The following RANBP2 variants were observed in gnomAD, a reference collection of about 807,000 sequenced individuals.
RANBP2 encodes the protein RAN binding protein 2.
Under a neutral mutation model 303.6 loss-of-function variants are expected in RANBP2, and 57 were observed. That is an observed-to-expected ratio of 0.19 (90% CI 0.15 to 0.23). The LOEUF (loss-of-function observed/expected upper bound fraction) is 0.23. Among genes scored for constraint, RANBP2 ranks in the 10% least tolerant of loss-of-function variants. RANBP2 has a pLI of 1.00. For synonymous variants in RANBP2, 1,167 were observed against 1,301.5 expected (o/e 0.90, Z 2.23); for missense variants, 3,138 against 3,780.8 (o/e 0.83, Z 4.46).
At chr2:109,285,830 C>T in the RANBP2 span, among the ~76,000 whole-genome samples, 6 of 152,354 alleles carry the variant, frequency 3.9e-5, no homozygotes, top group East Asian at 1.2e-3. Context: ...GCCTTGTTGG[C>T]TTCACTGCCT....
chr2:109,473,481 G>C, the RANBP2 span, among the ~76,000 whole-genome samples: 1 of 152,186 alleles, frequency 6.6e-6, no homozygotes, highest in Non-Finnish European at 1.5e-5. Context: ...TAAAATAGCA[G>C]ATATAGGTGA....
At chr2:109,147,935 G>C in the RANBP2 span, among the ~76,000 whole-genome samples, 1 of 152,194 alleles carries the variant, frequency 6.6e-6, no homozygotes, top group Non-Finnish European at 1.5e-5. Context: ...TTTAAATGAA[G>C]AGTTTTGGGG....
At chr2:109,635,029 C>T in the RANBP2 span, among the ~76,000 whole-genome samples, 1 of 151,774 alleles carries the variant, frequency 6.6e-6, no homozygotes. Flanking sequence ...TAATGATGCT[C>T]TAACATTTTC....
chr2:109,649,889 C>T, the RANBP2 span, among the ~76,000 whole-genome samples: 1 of 152,130 alleles, frequency 6.6e-6, no homozygotes, highest in Non-Finnish European at 1.5e-5. Context: ...GCTACTTCTG[C>T]AAAAATGAAT....
At position 108,766,066 on chromosome 2, in the gene RANBP2, A is replaced by C. The variant is rs1558923864; in HGVS notation, c.5527A>C (p.Ser1843Arg). The C allele has an allele frequency of 1.9e-6, 3 of 1,614,190 alleles. No individual in the cohort carries two copies. The highest frequency in any genetic ancestry group is 4.5e-5 in the East Asian group (2 of 44,882). ...SGSQVGTGFK[S>R]NFSEKASKFG... ...AAGTCAGGTGGGAACAGGATTTAAA[A>C]GTAATTTCTCAGAAAAAGCTTCTAA... is the stretch of plus-strand genomic sequence containing the variant. Residue 1843 changes from serine to arginine, a missense_variant, in exon 20 of 29, where the codon AGT (serine) becomes CGT (arginine). Ser to Arg is a moderately radical substitution (Grantham distance 110). Coordinates refer to ENST00000283195, the MANE Select transcript of RANBP2 (RefSeq NM_006267.5).
the RANBP2 span, among the ~76,000 whole-genome samples, chr2:109,044,042 A>G: frequency 6.6e-6 from 1 of 152,214 alleles, no homozygotes; most frequent in Non-Finnish European, 1.5e-5. Flanking sequence ...GATTAATAAA[A>G]GGCATAATCA....
At chr2:108,776,214 A>G (rs910662960) in intron 24 of RANBP2, among the ~76,000 whole-genome samples, 2 of 152,168 alleles carry the variant, frequency 1.3e-5, no homozygotes, top group South Asian at 2.1e-4. Flanking sequence ...GTGTTGTTAC[A>G]TGTAATTTCC....
At chr2:109,596,269 G>A in the RANBP2 span, among the ~76,000 whole-genome samples, 1 of 152,132 alleles carries the variant, frequency 6.6e-6, no homozygotes, top group African/African-American at 2.4e-5. Context: ...CATATCATGA[G>A]TTTTGGTGAA....
the RANBP2 span, among the ~76,000 whole-genome samples, chr2:109,067,714 C>T: frequency 6.6e-6 from 1 of 152,218 alleles, no homozygotes; most frequent in East Asian, 1.9e-4. Flanking sequence ...CCACCCTCTC[C>T]TGGCCGCGCA....
At chr2:109,522,755 C>T in the RANBP2 span, among the ~76,000 whole-genome samples, 1 of 152,190 alleles carries the variant, frequency 6.6e-6, no homozygotes, top group Non-Finnish European at 1.5e-5. Context: ...CCCAGTGACA[C>T]TAATATGCTC....
At chr2:109,519,360 A>G in the RANBP2 span, among the ~76,000 whole-genome samples, 2 of 152,204 alleles carry the variant, frequency 1.3e-5, no homozygotes, top group African/African-American at 2.4e-5. Flanking sequence ...AGCATTGGGG[A>G]TTACATTTCA....
chr2:109,620,610 G>A, the RANBP2 span, among the ~76,000 whole-genome samples: 1 of 152,154 alleles, frequency 6.6e-6, no homozygotes, highest in African/African-American at 2.4e-5. Flanking sequence ...GCTAAGGCAG[G>A]AGAATCACTT....
the RANBP2 span, among the ~76,000 whole-genome samples, chr2:109,767,137 A>C: frequency 7.0e-6 from 1 of 142,146 alleles, no homozygotes; most frequent in Non-Finnish European, 1.5e-5. Flanking sequence ...AAAAGTGTCA[A>C]TTGCTCTGAA....
chr2:109,018,299 G>A, the RANBP2 span, among the ~76,000 whole-genome samples: 1 of 152,188 alleles, frequency 6.6e-6, no homozygotes, highest in East Asian at 1.9e-4. Context: ...GAGGAAGCAG[G>A]AGCAAAGCTG....
At chr2:109,143,242 TAAA>T in the RANBP2 span, among the ~76,000 whole-genome samples, 145 of 152,246 alleles carry the variant, frequency 9.5e-4, 1 homozygote, top group South Asian at 0.013. Flanking sequence ...CAAATTTAAA[TAAA>T]AAGTGAGTCA....
chr2:109,620,984 A>G, the RANBP2 span, among the ~76,000 whole-genome samples: 1 of 152,232 alleles, frequency 6.6e-6, no homozygotes, highest in Non-Finnish European at 1.5e-5. Context: ...CTGAAAATTT[A>G]AAATAGATCA....
chr2:109,082,102 C>T, the RANBP2 span, among the ~76,000 whole-genome samples: 47 of 152,310 alleles, frequency 3.1e-4, no homozygotes, highest in African/African-American at 1.1e-3. Flanking sequence ...CTTCAGCTGC[C>T]TCCAGAATCC....
chr2:109,595,782 T>C, the RANBP2 span, among the ~76,000 whole-genome samples: 2 of 152,170 alleles, frequency 1.3e-5, no homozygotes, highest in Non-Finnish European at 2.9e-5. Flanking sequence ...ACCAGAAATG[T>C]CCATTTAGAG....
At chr2:109,634,981 C>G in the RANBP2 span, among the ~76,000 whole-genome samples, 2 of 152,034 alleles carry the variant, frequency 1.3e-5, no homozygotes, top group Non-Finnish European at 2.9e-5. Flanking sequence ...GTGGCAAAAG[C>G]CTAAGTGATA....
Sources: gnomAD v4.1 joint callset for allele counts (sites outside exome capture counted in the v4.1 genomes callset) on GRCh38, gnomAD v4.1.1 for gene constraint, MANE v1.5 for transcripts, NCBI Gene and HGNC (gene_info 2026-07-23, HGNC 2026-07-21) for gene names.